PCDH15: variants seen among roughly 807,000 people sequenced by gnomAD.
PCDH15 encodes protocadherin related 15.
In PCDH15, 129 loss-of-function variants were observed where a neutral mutation model predicts 178.5. That is an observed-to-expected ratio of 0.72 (90% CI 0.63 to 0.84). The LOEUF (loss-of-function observed/expected upper bound fraction) is 0.84. Among genes scored for constraint, PCDH15 ranks in the 40% least tolerant of loss-of-function variants. The probability of loss-of-function intolerance (pLI) is 0.00; values close to 1 mark genes in which losing one functional copy is unlikely to be tolerated. For missense variants in PCDH15, 2,230 were observed against 2,099.9 expected (o/e 1.06, Z -1.21); for synonymous variants, 800 against 732.0 (o/e 1.09, Z -1.50).
chr10:55,300,847 G>C (rs752294134), intron 1 of PCDH15, among the ~76,000 whole-genome samples: 10 of 152,082 alleles, frequency 6.6e-5, no homozygotes, highest in Non-Finnish European at 1.2e-4. Flanking sequence ...TTGGACCGAA[G>C]ACAACATATT....
upstream of PCDH15, among the ~76,000 whole-genome samples, chr10:55,321,917 G>C (rs1164271808): frequency 6.6e-6 from 1 of 152,132 alleles, no homozygotes; most frequent in Non-Finnish European, 1.5e-5. Context: ...TCAGAATATA[G>C]ACCAGTGACA....
chr10:55,248,275 GA>G lies in PCDH15; in HGVS notation c.-156+71323del, dbSNP rs990086759. 2.0e-5 allele frequency among the ~76,000 whole-genome samples: 3 copies of G among 151,132 alleles called. No individual in the cohort carries two copies. In the South Asian group the frequency reaches 6.2e-4, roughly 31 times the overall value. On this transcript the variant is annotated intron_variant, in intron 1 of 5. Coordinates refer to the PCDH15 transcript ENST00000458638. ...TTTTATGATGTTTAGATATCATTTT[GA>G]AAAAAACACTTATTATACATGAACT...
At chr10:53,828,502 TA>T in intron 31 of PCDH15, 62 bp downstream of exon 31, 1 of 1,363,716 alleles carries the variant, frequency 7.3e-7, no homozygotes, top group African/African-American at 1.4e-5. Context: ...TTGATTGATA[TA>T]ATCTCGGGTT....
rs77590430 is a variant in PCDH15 at position 55,520,297 on chromosome 10, A to G, written c.-156+107328T>C. On this transcript the variant is annotated intron_variant, in intron 2 of 5. Transcript: ENST00000613346. ...ATGTGTATATATATATACACGCAATATGTATATATATATATATACATGCAA... is the reference window on the plus strand; with the variant it reads ...ATGTGTATATATATATACACGCAATGTGTATATATATATATATACATGCAA... Among the ~76,000 whole-genome samples the G allele has an allele frequency of 4.5e-3, 231 of 51,138 alleles. 16 individuals carry two copies. Among genetic ancestry groups the G allele is most frequent in the African/African-American group, 7.2e-3 (95 of 13,162 alleles). The allele number at this position is 51,138 out of a possible 152,430, so 33.5% of individuals were successfully genotyped here. A position where few individuals can be genotyped will look rare whatever the true frequency, so the allele number is the denominator to read the frequency against.
chr10:55,532,413 C>T (rs2132064957), intron 2 of PCDH15, among the ~76,000 whole-genome samples: 1 of 152,068 alleles, frequency 6.6e-6, no homozygotes, highest in Non-Finnish European at 1.5e-5. Context: ...TAATTCCAAC[C>T]TCATGCAGTT....
intron 2 of PCDH15, chr10:54,599,633 C>G (rs2092431553): frequency 2.9e-6 from 1 of 347,144 alleles, no homozygotes; most frequent in Admixed American, 4.1e-5. Context: ...AAAGCAATCA[C>G]AGCAAAAGCA....
chr10:53,965,300 C>T (rs903225736), intron 21 of PCDH15, among the ~76,000 whole-genome samples: 4 of 151,996 alleles, frequency 2.6e-5, no homozygotes, highest in African/African-American at 4.8e-5. Flanking sequence ...CCTCATGATC[C>T]GCTCGCCTTT....
chr10:55,330,029 C>T (rs905465695), intron 2 of PCDH15, among the ~76,000 whole-genome samples: 14 of 151,652 alleles, frequency 9.2e-5, no homozygotes, highest in African/African-American at 3.1e-4. Flanking sequence ...TATGAACTGC[C>T]TTTTTATTGA....
intron 26 of PCDH15, among the ~76,000 whole-genome samples, chr10:53,873,683 T>C (rs1452804277): frequency 6.6e-6 from 1 of 152,194 alleles, no homozygotes; most frequent in African/African-American, 2.4e-5. Context: ...ATCAAGAAGA[T>C]GGAAAGACAA....
chr10:55,339,444 T>C (rs1337811299), intron 2 of PCDH15, among the ~76,000 whole-genome samples: 2 of 152,100 alleles, frequency 1.3e-5, no homozygotes, highest in African/African-American at 2.4e-5. Context: ...AAGGGTTCCA[T>C]TGAAATAAAA....
At chr10:55,531,891 A>G (rs1336784432) in intron 2 of PCDH15, among the ~76,000 whole-genome samples, 1 of 152,078 alleles carries the variant, frequency 6.6e-6, no homozygotes, top group Admixed American at 6.6e-5. Flanking sequence ...CCCTTAAAAC[A>G]ATTAACATAT....
chr10:55,478,296 A>T (rs2132114700), intron 2 of PCDH15, among the ~76,000 whole-genome samples: 1 of 151,872 alleles, frequency 6.6e-6, no homozygotes, highest in East Asian at 1.9e-4. Flanking sequence ...TATAGAATTT[A>T]AAATGGACTC....
intron 1 of PCDH15, among the ~76,000 whole-genome samples, chr10:54,787,004 C>A (rs752129828): frequency 6.6e-6 from 1 of 151,596 alleles, no homozygotes; most frequent in East Asian, 1.9e-4. Flanking sequence ...TTTTACTTGT[C>A]TAACCTAGAA....
intron 18 of PCDH15, among the ~76,000 whole-genome samples, chr10:54,047,069 T>C (rs1303457118): frequency 1.3e-5 from 2 of 152,148 alleles, no homozygotes; most frequent in East Asian, 1.9e-4. Context: ...ATAAGTAATG[T>C]AGCATTAAAA....
rs112048794 is a variant in PCDH15 at position 54,063,784 on chromosome 10, G to A, written c.2220+2973C>T. On this transcript the variant is annotated intron_variant, in intron 18 of 37. Transcript: ENST00000644397. Reference sequence around the variant, plus strand: ...CTTGTCACTGTGCATAGCCACGCACGCTAGCTGCTTTGGCGGGACGGGTAG... The same window carrying A: ...CTTGTCACTGTGCATAGCCACGCACACTAGCTGCTTTGGCGGGACGGGTAG... 4.6e-5 allele frequency among the ~76,000 whole-genome samples: 7 copies of A among 152,262 alleles called. 1 individual carries two copies. The highest frequency in any genetic ancestry group is 1.7e-4 in the African/African-American group (7 of 41,574).
intron 2 of PCDH15, among the ~76,000 whole-genome samples, chr10:55,106,825 G>C (rs977011731): frequency 6.6e-6 from 1 of 152,096 alleles, no homozygotes; most frequent in Non-Finnish European, 1.5e-5. Context: ...GGATTTATTT[G>C]TGAATTCCCT....
chr10:53,987,562 G>T (rs2091194243), intron 21 of PCDH15, among the ~76,000 whole-genome samples: 1 of 152,000 alleles, frequency 6.6e-6, no homozygotes, highest in South Asian at 2.1e-4. Context: ...ATTCTTCAAA[G>T]AAAATATAAT....
At chr10:54,280,228 C>T (rs939656849) in intron 8 of PCDH15, among the ~76,000 whole-genome samples, 1 of 151,474 alleles carries the variant, frequency 6.6e-6, no homozygotes, top group Non-Finnish European at 1.5e-5. Context: ...ATGAAGACTG[C>T]CTATTCATGT....
At chr10:54,376,469 T>C (rs144809138) in intron 4 of PCDH15, among the ~76,000 whole-genome samples, 2 of 151,000 alleles carry the variant, frequency 1.3e-5, no homozygotes, top group African/African-American at 2.4e-5. Context: ...TATTAATATA[T>C]ATTTCATTAA....
Sources: allele counts gnomAD v4.1 joint callset (sites outside exome capture counted in the v4.1 genomes callset), GRCh38; gene constraint gnomAD v4.1.1; transcripts MANE v1.5; gene names NCBI Gene and HGNC (gene_info 2026-07-23, HGNC 2026-07-21).